Variants in ZNF266 observed in about 807,000 individuals in gnomAD.
ZNF266 encodes zinc finger protein 1.
A neutral mutation model predicts 16.4 loss-of-function variants in ZNF266; 16 were observed. That is an observed-to-expected ratio of 0.98 (90% CI 0.66 to 1.48). The LOEUF (loss-of-function observed/expected upper bound fraction) is 1.48. Among genes scored for constraint, ZNF266 ranks in the 40% most tolerant of loss-of-function variants. The pLI is 0.00. For synonymous variants in ZNF266, 262 were observed against 237.9 expected, an observed-to-expected ratio of 1.10 and a Z score of -0.93; for missense variants, 738 against 689.1, an observed-to-expected ratio of 1.07 and a Z score of -0.79.
chr19:9,430,720 C>A (rs1364646792), intron 5 of ZNF266, among the ~76,000 whole-genome samples: 3 of 152,168 alleles, frequency 2.0e-5, no homozygotes, highest in Non-Finnish European at 4.4e-5. Flanking sequence ...ACACACCCCA[C>A]AGCTGCTGAC....
rs139156939 is a variant in ZNF266 at position 9,425,050 on chromosome 19, T to G, written c.-129-4832A>C. 4.3e-3 allele frequency among the ~76,000 whole-genome samples: 651 copies of G among 152,158 alleles called. 15 individuals are homozygous for G. The highest frequency in any genetic ancestry group is 0.038 in the Admixed American group (586 of 15,288). On this transcript the variant is annotated intron_variant, in intron 5 of 10. Coordinates refer to ENST00000592904, the MANE Select transcript of ZNF266 (RefSeq NM_001370374.1). ...AACTTCCCCTGCCTGTGTAGCTGTT[T>G]GTTATACAGCCTGCTTGTTCCTCAC... is the stretch of plus-strand genomic sequence containing the variant.
intron 5 of ZNF266, among the ~76,000 whole-genome samples, chr19:9,421,051 TTAAAA>T (rs1326943617): frequency 8.5e-5 from 13 of 152,160 alleles, no homozygotes; most frequent in Non-Finnish European, 1.9e-4. Flanking sequence ...ATTTATACAA[TTAAAA>T]TAAAATTTAA....
chr19:9,417,296 C>T (rs949672786), intron 9 of ZNF266, among the ~76,000 whole-genome samples: 4 of 151,976 alleles, frequency 2.6e-5, no homozygotes, highest in Non-Finnish European at 5.9e-5. Context: ...TACCTGAACC[C>T]GGGAGGCTGA....
intron 9 of ZNF266, among the ~76,000 whole-genome samples, chr19:9,417,616 A>C (rs1447935536): frequency 6.6e-6 from 1 of 152,076 alleles, no homozygotes; most frequent in Non-Finnish European, 1.5e-5. Context: ...AATCCCAGCT[A>C]CTCAGGGGGC....
intron 5 of ZNF266, among the ~76,000 whole-genome samples, chr19:9,427,777 A>G (rs12979065): frequency 1.8e-3 from 271 of 152,062 alleles, no homozygotes; most frequent in Admixed American, 4.1e-3. Flanking sequence ...AACAACATCC[A>G]CCTTCTCCAG....
chr19:9,416,369 T>G (rs1419241872), intron 9 of ZNF266, among the ~76,000 whole-genome samples: 5 of 150,098 alleles, frequency 3.3e-5, no homozygotes, highest in Middle Eastern at 3.5e-3. Context: ...TTTTTTGTTT[T>G]TTTTTTTTTT....
chr19:9,413,324 G>T lies in ZNF266; in HGVS notation c.1802C>A (p.Ser601Tyr). ...ATGCCTTCTTTCATGATTTCGAAAGGAACTGGAAGAACTGAAGGCTTTCCC... is the reference window on the plus strand; with the variant it reads ...ATGCCTTCTTTCATGATTTCGAAAGTAACTGGAAGAACTGAAGGCTTTCCC... Reference protein sequence around the residue: ...ECGKAFSSSSSFRNHERRHAD... With the variant: ...ECGKAFSSSSYFRNHERRHAD... The change falls in exon 11 of 11, where the codon TCC becomes TAC. Residue 601 changes from serine to tyrosine, a missense_variant. Ser to Tyr is a moderately radical substitution (Grantham distance 144). Coordinates refer to ENST00000592904, the MANE Select transcript of ZNF266 (RefSeq NM_001370374.1). The T allele has an allele frequency of 7.5e-6, 12 of 1,609,056 alleles. No homozygotes were observed. The highest frequency in any genetic ancestry group is 1.0e-5 in the Non-Finnish European group (12 of 1,177,296).
chr19:9,418,370 T>G, intron 8 of ZNF266, 135 bp downstream of exon 8: 2 of 942,606 alleles, frequency 2.1e-6, no homozygotes, highest in Non-Finnish European at 3.3e-6. Context: ...ACCAAGTAGA[T>G]GAAACCCTAT....
intron 5 of ZNF266, among the ~76,000 whole-genome samples, chr19:9,428,578 C>A (rs2071116004): frequency 6.6e-6 from 1 of 152,166 alleles, no homozygotes; most frequent in South Asian, 2.1e-4. Flanking sequence ...AAGGACAGGA[C>A]CCAAGAAACA....
chr19:9,434,883 T>G (rs530595276), intron 2 of ZNF266, 24 bp from the exon 3 acceptor site: 1 of 152,150 alleles, frequency 6.6e-6, no homozygotes. Flanking sequence ...ATAAAAAGAA[T>G]AGCTGAGTAT....
At chr19:9,432,871 G>A (rs76443030) in intron 5 of ZNF266, among the ~76,000 whole-genome samples, 2,539 of 151,664 alleles carry the variant, frequency 0.017, 68 homozygotes, top group African/African-American at 0.057. Flanking sequence ...AACAAATGGG[G>A]CCAGCTTGCT....
At chr19:9,429,944 G>A (rs1018350195) in intron 5 of ZNF266, among the ~76,000 whole-genome samples, 16 of 152,070 alleles carry the variant, frequency 1.1e-4, no homozygotes, top group African/African-American at 2.9e-4. Context: ...AATCAAAGAC[G>A]AGCAAAAATT....
chr19:9,425,888 G>A (rs1267376847), intron 5 of ZNF266, among the ~76,000 whole-genome samples: 1 of 152,142 alleles, frequency 6.6e-6, no homozygotes, highest in African/African-American at 2.4e-5. Flanking sequence ...CTGGCATAAC[G>A]GGCTTGCTAC....
At chr19:9,428,088 C>T (rs764186349) in intron 5 of ZNF266, among the ~76,000 whole-genome samples, 1 of 152,118 alleles carries the variant, frequency 6.6e-6, no homozygotes, top group Non-Finnish European at 1.5e-5. Flanking sequence ...TCATTAGCTG[C>T]CCCAGGCCGT....
At chr19:9,431,210 G>C (rs544246892) in intron 5 of ZNF266, among the ~76,000 whole-genome samples, 1 of 152,118 alleles carries the variant, frequency 6.6e-6, no homozygotes, top group Non-Finnish European at 1.5e-5. Flanking sequence ...AGCAGTGTGG[G>C]TGTGAGGGCA....
rs371472704 is a variant in ZNF266, at chr19:9,424,153, C to A, written c.-129-3935G>T. On this transcript the variant is annotated intron_variant, in intron 5 of 10. Transcript: ENST00000592904. ...CCCCCCAGGGGGCACAGCTATGGTT[C>A]TAATGCATTGGAACAGGAGACTGCC... Among the ~76,000 whole-genome samples, 76 of 147,222 alleles carry A rather than the reference C, an allele frequency of 5.2e-4. 2 individuals carry two copies. In the South Asian group the frequency reaches 0.017, roughly 32 times the overall value.
intron 5 of ZNF266, among the ~76,000 whole-genome samples, chr19:9,422,482 CTCTT>C (rs1435704092): frequency 1.3e-5 from 2 of 152,218 alleles, no homozygotes; most frequent in Non-Finnish European, 2.9e-5. Flanking sequence ...GGAATACTGT[CTCTT>C]TCTATGCACT....
intron 5 of ZNF266, among the ~76,000 whole-genome samples, chr19:9,423,247 G>A (rs2070204793): frequency 6.6e-6 from 1 of 152,182 alleles, no homozygotes; most frequent in Admixed American, 6.5e-5. Flanking sequence ...CCATTCCTTA[G>A]AGGAGACCAG....
chr19:9,422,737 T>C (rs2070119742), intron 5 of ZNF266, among the ~76,000 whole-genome samples: 1 of 151,494 alleles, frequency 6.6e-6, no homozygotes, highest in Admixed American at 6.6e-5. Context: ...CGCTAAAGGC[T>C]GACCCTGAAG....
Sources: gnomAD v4.1 joint callset for allele counts (sites outside exome capture counted in the v4.1 genomes callset) on GRCh38, gnomAD v4.1.1 for gene constraint, MANE v1.5 for transcripts, NCBI Gene and HGNC (gene_info 2026-07-23, HGNC 2026-07-21) for gene names.